Variants in CCNC observed in about 807,000 individuals in gnomAD.
CCNC encodes the protein cyclin-C.
In CCNC, 19 loss-of-function variants were observed where a neutral mutation model predicts 50.0. The ratio of observed to expected loss-of-function variants is 0.38; its 90% CI spans 0.27 to 0.56. The LOEUF is 0.56. Among genes scored for constraint, CCNC ranks in the 20% least tolerant of loss-of-function variants. The pLI is 0.72. For missense variants in CCNC, 200 were observed against 327.1 expected (o/e 0.61, Z 3.00); for synonymous variants, 93 against 103.7 (o/e 0.90, Z 0.63).
At chr6:99,566,878 C>T (rs1190332391) in intron 1 of CCNC, 1 of 440,046 alleles carries the variant, frequency 2.3e-6, no homozygotes, top group East Asian at 7.3e-5. Flanking sequence ...ATATCAATTG[C>T]CCTCTTTCAC....
intron 11 of CCNC, 54 bp from the exon 12 acceptor site, chr6:99,543,663 C>T (rs1583564861): frequency 1.9e-6 from 3 of 1,603,638 alleles, no homozygotes; most frequent in East Asian, 4.5e-5. Flanking sequence ...TCCATTTTTA[C>T]ACCCTGATAA....
At position 99,562,844 on chromosome 6, in the gene CCNC, T is replaced by C. The variant is rs147364472; in HGVS notation, c.137A>G (p.Asn46Ser). The C allele has an allele frequency of 4.3e-5, 67 of 1,553,506 alleles. No individual in the cohort carries two copies. The highest frequency in any genetic ancestry group is 1.7e-4 in the Middle Eastern group (1 of 5,954). The change falls in exon 2 of 12, where the codon AAT becomes AGT. Residue 46 changes from asparagine (N) to serine (S), a missense_variant and splice_region_variant. Transcript: ENST00000520429. ...AACCAATTTTTAAAAAAGTTTACCATTTGTAAAAAATATTTGTAACTTCCA... is the reference window on the plus strand; with the variant it reads ...AACCAATTTTTAAAAAAGTTTACCACTTGTAAAAAATATTTGTAACTTCCA... ...EYWKLQIFFTNVIQALGEHLK... is the reference protein window; with the variant it reads ...EYWKLQIFFTSVIQALGEHLK...
At chr6:99,553,636 C>T (rs141141440) in intron 5 of CCNC, among the ~76,000 whole-genome samples, 5 of 152,228 alleles carry the variant, frequency 3.3e-5, no homozygotes, top group East Asian at 3.9e-4. Context: ...CTAATATGCT[C>T]AAATTTCCCT....
At chr6:99,548,449 A>C (rs1430615105) in intron 9 of CCNC, among the ~76,000 whole-genome samples, 1 of 152,224 alleles carries the variant, frequency 6.6e-6, no homozygotes, top group Non-Finnish European at 1.5e-5. Flanking sequence ...TTTAAGGAAT[A>C]ATTGAACAAC....
chr6:99,559,362 T>C (rs75163438), intron 4 of CCNC, among the ~76,000 whole-genome samples: 2,758 of 152,246 alleles, frequency 0.018, 69 homozygotes, highest in African/African-American at 0.053. Flanking sequence ...TTTCATTTAT[T>C]GCCTCGTAAG....
chr6:99,548,798 A>T (rs1802175028), intron 9 of CCNC, among the ~76,000 whole-genome samples: 1 of 54,760 alleles, frequency 1.8e-5, no homozygotes, highest in Admixed American at 1.8e-4. Flanking sequence ...GTGAGACTCC[A>T]TCTCAAAAAA....
chr6:99,548,168 A>T (rs920323298), intron 9 of CCNC, among the ~76,000 whole-genome samples: 1 of 152,138 alleles, frequency 6.6e-6, no homozygotes, highest in African/African-American at 2.4e-5. Context: ...AAATAAAGAG[A>T]TTTAAATGTT....
chr6:99,561,333 A>T, intron 4 of CCNC, 34 bp downstream of exon 4: 2 of 1,410,500 alleles, frequency 1.4e-6, no homozygotes, highest in Non-Finnish European at 2.0e-6. Context: ...TACATTGACT[A>T]CACTTTGATG....
At chr6:99,546,623 C>G (rs563565543) in intron 9 of CCNC, 149 bp from the exon 10 acceptor site, 1 of 571,114 alleles carries the variant, frequency 1.8e-6, no homozygotes. Flanking sequence ...CACTGACCAT[C>G]TCATCAATGT....
intron 6 of CCNC, among the ~76,000 whole-genome samples, chr6:99,551,251 T>C (rs976559337): frequency 2.6e-5 from 4 of 152,140 alleles, no homozygotes; most frequent in African/African-American, 7.2e-5. Flanking sequence ...TTAATCCTTG[T>C]AAGGAAAAGC....
At chr6:99,549,354 T>C in intron 9 of CCNC, 154 bp downstream of exon 9, 1 of 696,350 alleles carries the variant, frequency 1.4e-6, no homozygotes, top group Non-Finnish European at 2.6e-6. Context: ...TTATGACAGT[T>C]GCAGTTCATA....
chr6:99,567,015 G>A (rs1437595641), intron 1 of CCNC: 1 of 440,672 alleles, frequency 2.3e-6, no homozygotes, highest in Non-Finnish European at 4.5e-6. Context: ...TTTGAGCAAG[G>A]CAAAGTGGTC....
At chr6:99,559,746 A>G (rs981039177) in intron 4 of CCNC, among the ~76,000 whole-genome samples, 9 of 145,992 alleles carry the variant, frequency 6.2e-5, no homozygotes, top group Admixed American at 1.4e-4. Flanking sequence ...TTGAGATGCA[A>G]TCTTGCTCTG....
At chr6:99,558,334 C>A in intron 5 of CCNC, 163 bp downstream of exon 5, 1 of 1,029,428 alleles carries the variant, frequency 9.7e-7, no homozygotes, top group Non-Finnish European at 1.3e-6. Flanking sequence ...AACCTTTTAG[C>A]TTGATTTTTT....
At chr6:99,549,424 G>T in intron 9 of CCNC, 84 bp downstream of exon 9, 1 of 891,960 alleles carries the variant, frequency 1.1e-6, no homozygotes, top group Non-Finnish European at 1.9e-6. Context: ...AAAACATAAA[G>T]TACAATAGGG....
upstream of CCNC, chr6:99,568,684 C>G (rs890996968): frequency 1.3e-6 from 2 of 1,482,510 alleles, no homozygotes; most frequent in African/African-American, 2.8e-5. Context: ...GGATGGCCCC[C>G]TAGTCTCCTT....
intron 1 of CCNC, among the ~76,000 whole-genome samples, chr6:99,566,209 A>G (rs1769114340): frequency 1.3e-5 from 2 of 151,924 alleles, no homozygotes; most frequent in South Asian, 4.1e-4. Context: ...TATTTACTCT[A>G]AGAATTAGCT....
At position 99,543,535 on chromosome 6, in the gene CCNC, A is replaced by G; in HGVS notation, c.*20T>C. 2 of 1,612,002 alleles carry G rather than the reference A, an allele frequency of 1.2e-6. No homozygotes were observed. The highest frequency in any genetic ancestry group is 1.7e-4 in the Middle Eastern group (1 of 6,054). Reference sequence around the variant, plus strand: ...ATGGTTTATTTCCAAGTGGTCCACTATGGAATTCTTCGGAATGTTTTAAGA... The same window carrying G: ...ATGGTTTATTTCCAAGTGGTCCACTGTGGAATTCTTCGGAATGTTTTAAGA... On this transcript the variant is annotated 3_prime_UTR_variant, in exon 12 of 12. Transcript: ENST00000520429.
At chr6:99,551,132 A>G in intron 6 of CCNC, 104 bp from the exon 7 acceptor site, 1 of 555,784 alleles carries the variant, frequency 1.8e-6, no homozygotes, top group Non-Finnish European at 2.6e-6. Flanking sequence ...TTTATCAAAA[A>G]TTTTTACTAA....
Sources: gnomAD v4.1 joint callset for allele counts (sites outside exome capture counted in the v4.1 genomes callset) on GRCh38, gnomAD v4.1.1 for gene constraint, MANE v1.5 for transcripts, NCBI Gene and HGNC (gene_info 2026-07-23, HGNC 2026-07-21) for gene names.